TMC1: variants seen among roughly 807,000 people sequenced by gnomAD.
TMC1 encodes the protein transmembrane channel like 1, also known as transmembrane channel-like protein 1.
TMC1 carries 84 observed loss-of-function variants against 105.8 expected under a neutral mutation model. That is an observed-to-expected ratio of 0.79 (90% CI 0.67 to 0.95). The LOEUF (loss-of-function observed/expected upper bound fraction) is 0.95, where lower values mean the gene tolerates loss of function less well. Ranked by LOEUF, TMC1 falls within the 40% of genes least tolerant of loss-of-function variation. The probability of loss-of-function intolerance (pLI) is 0.00; values close to 1 mark genes in which losing one functional copy is unlikely to be tolerated. For missense variants in TMC1, 817 were observed against 914.1 expected, an observed-to-expected ratio of 0.89 and a Z score of 1.37; for synonymous variants, 315 against 311.5, an observed-to-expected ratio of 1.01 and a Z score of -0.12.
intron 8 of TMC1, among the ~76,000 whole-genome samples, chr9:72,724,146 G>T (rs1275423676): frequency 1.3e-5 from 2 of 152,160 alleles, no homozygotes; most frequent in Admixed American, 6.5e-5. Context: ...AGAATTTAAA[G>T]AACCTTGTTT....
intron 4 of TMC1, among the ~76,000 whole-genome samples, chr9:72,633,459 C>G (rs1343004976): frequency 1.3e-5 from 2 of 152,138 alleles, no homozygotes; most frequent in African/African-American, 4.8e-5. Context: ...TGATAGCAGG[C>G]TCCTGACCCA....
chr9:72,558,677 G>C (rs946361718), intron 1 of TMC1, among the ~76,000 whole-genome samples: 3 of 152,082 alleles, frequency 2.0e-5, no homozygotes, highest in Non-Finnish European at 4.4e-5. Flanking sequence ...GGATGATAAT[G>C]GTTATCTGGT....
chr9:72,796,628 A>T (rs1828375795), intron 17 of TMC1, among the ~76,000 whole-genome samples: 1 of 152,198 alleles, frequency 6.6e-6, no homozygotes, highest in African/African-American at 2.4e-5. Context: ...AAACCACATG[A>T]TTATCTCCAT....
At chr9:72,761,085 G>A (rs1004366496) in intron 12 of TMC1, among the ~76,000 whole-genome samples, 16 of 152,112 alleles carry the variant, frequency 1.1e-4, no homozygotes, top group African/African-American at 3.9e-4. Context: ...TCTTACTGAT[G>A]GTGCTGGAAA....
chr9:72,818,109 C>T (rs907575545), intron 19 of TMC1, among the ~76,000 whole-genome samples: 1 of 152,140 alleles, frequency 6.6e-6, no homozygotes, highest in African/African-American at 2.4e-5. Context: ...GCTGACTCTG[C>T]ACAAAGGTCC....
chr9:72,578,962 G>A (rs1824432823), intron 2 of TMC1, among the ~76,000 whole-genome samples: 1 of 152,130 alleles, frequency 6.6e-6, no homozygotes, highest in Admixed American at 6.5e-5. Context: ...TATTGTGGTT[G>A]GATTGGGGAG....
intron 1 of TMC1, among the ~76,000 whole-genome samples, chr9:72,533,551 C>G (rs1383458555): frequency 6.6e-6 from 1 of 152,208 alleles, no homozygotes; most frequent in Non-Finnish European, 1.5e-5. Flanking sequence ...GCAGTCCACA[C>G]AACCTTGCAT....
chr9:72,588,925 G>A (rs1036171337), intron 2 of TMC1, among the ~76,000 whole-genome samples: 1 of 151,968 alleles, frequency 6.6e-6, no homozygotes, highest in African/African-American at 2.4e-5. Flanking sequence ...ACAGGCATGC[G>A]CCACCCAGTT....
At chr9:72,827,279 A>G (rs1828971800) in intron 21 of TMC1, among the ~76,000 whole-genome samples, 1 of 152,248 alleles carries the variant, frequency 6.6e-6, no homozygotes, top group African/African-American at 2.4e-5. Context: ...AGCAAGGGAA[A>G]CATAAATGCT....
intron 8 of TMC1, among the ~76,000 whole-genome samples, chr9:72,727,812 C>T (rs904059993): frequency 1.3e-5 from 2 of 152,062 alleles, no homozygotes; most frequent in African/African-American, 4.8e-5. Flanking sequence ...ATAATACTAT[C>T]CCTACCTTCA....
At chr9:72,612,001 G>A (rs756308255) in intron 2 of TMC1, among the ~76,000 whole-genome samples, 33 of 152,088 alleles carry the variant, frequency 2.2e-4, no homozygotes, top group Non-Finnish European at 1.2e-4. Context: ...ATATCAGTGG[G>A]CTGCTTTGCC....
chr9:72,553,261 C>T (rs565231347), intron 1 of TMC1, among the ~76,000 whole-genome samples: 7 of 152,228 alleles, frequency 4.6e-5, no homozygotes, highest in South Asian at 2.1e-4. Flanking sequence ...GCGTGAGTCA[C>T]CAAGCCTGGC....
intron 15 of TMC1, 113 bp from the exon 16 acceptor site, chr9:72,791,773 T>C: frequency 1.2e-6 from 1 of 864,226 alleles, no homozygotes; most frequent in South Asian, 1.4e-5. Flanking sequence ...TAGTCATTTT[T>C]AGTCTTAAAA....
chr9:72,770,352 CATT>C lies in TMC1; in HGVS notation c.742-2053_742-2051del, dbSNP rs550054888. On this transcript the variant is annotated intron_variant, in intron 12 of 23. Coordinates refer to ENST00000297784, the MANE Select transcript of TMC1 (RefSeq NM_138691.3). ...ATATAATAAATTTATTTTGATTTAT[CATT>C]ATTATTACTTAAATTTATTATATAA... Among the ~76,000 whole-genome samples the C allele has an allele frequency of 4.7e-3, 681 of 143,716 alleles. 16 individuals carry two copies. Among genetic ancestry groups the C allele is most frequent in the Admixed American group, 0.042 (601 of 14,314 alleles). The allele number at this position is 143,716 out of a possible 152,430, so 94.3% of individuals were successfully genotyped here. A position where few individuals can be genotyped will look rare whatever the true frequency, so the allele number is the denominator to read the frequency against.
intron 8 of TMC1, among the ~76,000 whole-genome samples, chr9:72,718,968 G>A (rs192452645): frequency 8.7e-4 from 133 of 152,232 alleles, no homozygotes; most frequent in Non-Finnish European, 1.8e-3. Flanking sequence ...GTGTCATGCA[G>A]GTTGTCAGGA....
intron 2 of TMC1, among the ~76,000 whole-genome samples, chr9:72,599,093 C>T (rs1824765468): frequency 6.6e-6 from 1 of 152,044 alleles, no homozygotes; most frequent in Non-Finnish European, 1.5e-5. Context: ...TACAGTGGTG[C>T]AATCTCAGCT....
chr9:72,805,980 A>G (rs563390600), intron 18 of TMC1, among the ~76,000 whole-genome samples: 8 of 152,138 alleles, frequency 5.3e-5, no homozygotes, highest in East Asian at 3.9e-4. Flanking sequence ...CGATTTCTCA[A>G]TCTTTTCCCC....
chr9:72,742,390 A>C, intron 9 of TMC1, 54 bp from the exon 10 acceptor site: 1 of 1,398,446 alleles, frequency 7.2e-7, no homozygotes, highest in Non-Finnish European at 1.0e-6. Flanking sequence ...GGGGATAAAC[A>C]TCTTGACAAA....
intron 8 of TMC1, among the ~76,000 whole-genome samples, chr9:72,721,813 T>G (rs1827030441): frequency 1.3e-5 from 2 of 152,210 alleles, no homozygotes; most frequent in African/African-American, 4.8e-5. Flanking sequence ...CCAACTCACA[T>G]TATAGAACTC....
Sources: gnomAD v4.1 joint callset for allele counts (sites outside exome capture counted in the v4.1 genomes callset) on GRCh38, gnomAD v4.1.1 for gene constraint, MANE v1.5 for transcripts, NCBI Gene and HGNC (gene_info 2026-07-23, HGNC 2026-07-21) for gene names.